The following IMMP2L variants were observed in gnomAD, a reference collection of about 807,000 sequenced individuals.
IMMP2L encodes the protein mitochondrial inner membrane protease subunit 2.
IMMP2L carries 18 observed loss-of-function variants against 19.3 expected under a neutral mutation model. That is an observed-to-expected ratio of 0.93 (90% CI 0.64 to 1.38). The LOEUF is 1.38. Ranked by LOEUF, IMMP2L falls within the 40% of genes most tolerant of loss-of-function variation. The pLI, the probability that IMMP2L is intolerant of heterozygous loss-of-function variation, is 0.00. For missense variants in IMMP2L, 233 were observed against 218.2 expected, an observed-to-expected ratio of 1.07 and a Z score of -0.43; for synonymous variants, 76 against 73.0, an observed-to-expected ratio of 1.04 and a Z score of -0.21.
At chr7:111,558,005 TA>T (rs969156880) in intron 1 of IMMP2L, among the ~76,000 whole-genome samples, 4 of 151,412 alleles carry the variant, frequency 2.6e-5, no homozygotes, top group African/African-American at 4.9e-5. Context: ...TCCTAACCAT[TA>T]AAAAAAATAG....
chr7:111,260,489 T>C (rs1354874379), intron 3 of IMMP2L, among the ~76,000 whole-genome samples: 1 of 152,154 alleles, frequency 6.6e-6, no homozygotes, highest in Non-Finnish European at 1.5e-5. Context: ...CAGAATATGG[T>C]ACAAGGTAAT....
At chr7:111,075,261 G>C (rs1036570985) in intron 3 of IMMP2L, among the ~76,000 whole-genome samples, 2 of 151,612 alleles carry the variant, frequency 1.3e-5, no homozygotes, top group Non-Finnish European at 2.9e-5. Flanking sequence ...TGAGTAGCTG[G>C]GACCACAGGC....
In IMMP2L at chr7:110,993,595, G is replaced by GAA. The variant is rs112398359; in HGVS notation, c.240-30032_240-30031dup. On this transcript the variant is annotated intron_variant, in intron 3 of 5. Coordinates refer to ENST00000405709, the MANE Select transcript of IMMP2L (RefSeq NM_032549.4). ...CATGCCTTTACCTATTAGATTTCAT[G>GAA]AAAAAAAAAAACAGACCTCAAACCT... Among the ~76,000 whole-genome samples the GAA allele has an allele frequency of 9.1e-5, 13 of 143,116 alleles. No homozygotes were observed. In the East Asian group the frequency reaches 1.6e-3, roughly 18 times the overall value. 93.9% of individuals were successfully genotyped at this position (143,116 alleles called of 152,430 possible).
At chr7:110,946,261 T>C (rs1391872213) in intron 4 of IMMP2L, among the ~76,000 whole-genome samples, 3 of 152,174 alleles carry the variant, frequency 2.0e-5, no homozygotes. Flanking sequence ...TGATCACACT[T>C]AGAGAAACAA....
intron 3 of IMMP2L, among the ~76,000 whole-genome samples, chr7:111,380,163 T>G (rs1659866459): frequency 6.6e-6 from 1 of 151,990 alleles, no homozygotes. Flanking sequence ...GTATTACGTC[T>G]TTTTGTTAAC....
At chr7:111,046,735 A>G (rs960645934) in intron 3 of IMMP2L, among the ~76,000 whole-genome samples, 1 of 152,184 alleles carries the variant, frequency 6.6e-6, no homozygotes, top group Non-Finnish European at 1.5e-5. Context: ...GTCCATATAT[A>G]CCAAAGAAAG....
intron 3 of IMMP2L, among the ~76,000 whole-genome samples, chr7:111,126,228 T>C (rs1237946846): frequency 6.6e-6 from 1 of 152,146 alleles, no homozygotes; most frequent in Non-Finnish European, 1.5e-5. Context: ...GGAGCTTCAC[T>C]GAAGTAACAA....
intron 3 of IMMP2L, among the ~76,000 whole-genome samples, chr7:110,964,337 A>T (rs2129555691): frequency 6.6e-6 from 1 of 152,212 alleles, no homozygotes; most frequent in African/African-American, 2.4e-5. Flanking sequence ...TTCATTTAAA[A>T]TTAAGAAAGG....
intron 4 of IMMP2L, among the ~76,000 whole-genome samples, chr7:110,937,518 A>G (rs1489876459): frequency 6.6e-6 from 1 of 152,142 alleles, no homozygotes; most frequent in East Asian, 1.9e-4. Context: ...TAATGTCAAC[A>G]GTTTCTATTG....
chr7:111,338,863 G>A (rs943915564), intron 3 of IMMP2L, among the ~76,000 whole-genome samples: 16 of 152,022 alleles, frequency 1.1e-4, no homozygotes, highest in Non-Finnish European at 1.9e-4. Context: ...CTTAAGATTT[G>A]CAGTTGGCAA....
chr7:111,380,195 T>C (rs946382965), intron 3 of IMMP2L, among the ~76,000 whole-genome samples: 1 of 152,130 alleles, frequency 6.6e-6, no homozygotes, highest in African/African-American at 2.4e-5. Flanking sequence ...GTATATTTAT[T>C]AGTTGTCATA....
intron 3 of IMMP2L, among the ~76,000 whole-genome samples, chr7:111,430,190 G>A (rs2131676635): frequency 6.6e-6 from 1 of 151,838 alleles, no homozygotes; most frequent in African/African-American, 2.4e-5. Flanking sequence ...CAAAATTAGA[G>A]AATACATAAG....
chr7:110,753,348 A>T (rs1189290148), intron 5 of IMMP2L, among the ~76,000 whole-genome samples: 1 of 152,038 alleles, frequency 6.6e-6, no homozygotes, highest in East Asian at 1.9e-4. Context: ...TCCTTTGATC[A>T]GAATACTTCT....
intron 3 of IMMP2L, among the ~76,000 whole-genome samples, chr7:111,268,487 TA>T (rs927826185): frequency 0.16 from 9,806 of 62,606 alleles, 495 homozygotes; most frequent in African/African-American, 0.21. Context: ...GTTTATCTAA[TA>T]AAAAAAAAAA....
intron 4 of IMMP2L, among the ~76,000 whole-genome samples, chr7:110,937,658 G>A (rs1056059567): frequency 6.6e-6 from 1 of 152,258 alleles, no homozygotes; most frequent in East Asian, 1.9e-4. Context: ...GTAGGAGAAA[G>A]GTCACTTTTT....
intron 1 of IMMP2L, among the ~76,000 whole-genome samples, chr7:111,528,166 T>C (rs1204107817): frequency 1.3e-5 from 2 of 152,186 alleles, no homozygotes; most frequent in Non-Finnish European, 2.9e-5. Flanking sequence ...TGCACCTCCT[T>C]GTCTATGTAA....
intron 3 of IMMP2L, among the ~76,000 whole-genome samples, chr7:111,095,316 G>T (rs902049036): frequency 6.6e-6 from 1 of 151,794 alleles, no homozygotes; most frequent in African/African-American, 2.4e-5. Flanking sequence ...TATTGGAGAG[G>T]CCTAGGTTAG....
intron 3 of IMMP2L, chr7:111,411,381 C>CA: frequency 2.8e-5 from 13 of 463,364 alleles, no homozygotes; most frequent in East Asian, 6.2e-5. Flanking sequence ...AGATCAAGTT[C>CA]AAAAAAAGGG....
chr7:110,905,024 A>G (rs897977730), intron 4 of IMMP2L, among the ~76,000 whole-genome samples: 12 of 152,280 alleles, frequency 7.9e-5, no homozygotes, highest in Middle Eastern at 3.4e-3. Flanking sequence ...CTTACTATGG[A>G]AACCTCTACA....
Sources: allele counts gnomAD v4.1 joint callset (sites outside exome capture counted in the v4.1 genomes callset), GRCh38; gene constraint gnomAD v4.1.1; transcripts MANE v1.5; gene names NCBI Gene and HGNC (gene_info 2026-07-23, HGNC 2026-07-21).